The following CNTN4 variants were observed in gnomAD, a reference collection of about 807,000 sequenced individuals.
The protein encoded by CNTN4 is contactin 4.
CNTN4 carries 77 observed loss-of-function variants against 122.5 expected under a neutral mutation model. The observed-to-expected ratio is 0.63, with a 90% CI of 0.52 to 0.76. The LOEUF (loss-of-function observed/expected upper bound fraction) is 0.76. Among genes scored for constraint, CNTN4 ranks in the 30% least tolerant of loss-of-function variants. The pLI is 0.00. For missense variants in CNTN4, 1,256 were observed against 1,259.1 expected, an observed-to-expected ratio of 1.00 and a Z score of 0.04; for synonymous variants, 512 against 447.0, an observed-to-expected ratio of 1.15 and a Z score of -1.83.
At chr3:2,610,246 A>G (rs1026697871) in intron 4 of CNTN4, among the ~76,000 whole-genome samples, 5 of 152,200 alleles carry the variant, frequency 3.3e-5, no homozygotes, top group African/African-American at 1.2e-4. Flanking sequence ...TGAAATTATT[A>G]TAATCTCCTC....
chr3:2,285,911 G>A (rs1486521355), intron 2 of CNTN4, among the ~76,000 whole-genome samples: 1 of 151,978 alleles, frequency 6.6e-6, no homozygotes, highest in East Asian at 1.9e-4. Context: ...ATTTGTAGAT[G>A]TATGTACTTA....
chr3:2,340,999 G>C (rs920832687), intron 3 of CNTN4, among the ~76,000 whole-genome samples: 1 of 151,932 alleles, frequency 6.6e-6, no homozygotes, highest in Non-Finnish European at 1.5e-5. Flanking sequence ...TGCTCCACAA[G>C]GTCCCTCTCC....
intron 4 of CNTN4, among the ~76,000 whole-genome samples, chr3:2,668,306 A>T (rs1047378660): frequency 6.6e-6 from 1 of 152,148 alleles, no homozygotes; most frequent in Non-Finnish European, 1.5e-5. Context: ...GAGGTCCTTC[A>T]CATCCTTTGT....
chr3:2,141,824 C>T (rs890040438), intron 2 of CNTN4, among the ~76,000 whole-genome samples: 2 of 152,028 alleles, frequency 1.3e-5, no homozygotes, highest in East Asian at 1.9e-4. Flanking sequence ...TTTTAATTGG[C>T]GTTCTTATGA....
chr3:2,616,538 C>T (rs2081747936), intron 4 of CNTN4, among the ~76,000 whole-genome samples: 1 of 152,092 alleles, frequency 6.6e-6, no homozygotes, highest in Non-Finnish European at 1.5e-5. Context: ...GTTCTAGATC[C>T]TTGAGGAATC....
intron 4 of CNTN4, among the ~76,000 whole-genome samples, chr3:2,578,094 C>G (rs9822788): frequency 6.6e-6 from 1 of 151,848 alleles, no homozygotes; most frequent in African/African-American, 2.4e-5. Flanking sequence ...CAAGGAAGAC[C>G]CCTGGATTGA....
chr3:2,934,086 T>C (rs2094547839), intron 13 of CNTN4, among the ~76,000 whole-genome samples: 1 of 152,118 alleles, frequency 6.6e-6, no homozygotes, highest in South Asian at 2.1e-4. Context: ...AAAAAAATAA[T>C]GGTGCAAGCA....
At position 2,617,936 on chromosome 3, in the gene CNTN4, A is replaced by G. The variant is rs181592812; in HGVS notation, c.55+46378A>G. 2.6e-5 allele frequency among the ~76,000 whole-genome samples: 4 copies of G among 152,338 alleles called. 1 individual carries two copies. Among genetic ancestry groups the G allele is most frequent in the Admixed American group, 2.6e-4 (4 of 15,302 alleles). On this transcript the variant is annotated intron_variant, in intron 4 of 24. Coordinates refer to ENST00000418658, the MANE Select transcript of CNTN4 (RefSeq NM_175607.3). ...ATATTTGTCATATTGAGCACATTAC[A>G]ACAATTATTTCAAATTTCCAAGAGA...
At chr3:2,445,277 A>G (rs2653496) in intron 3 of CNTN4, among the ~76,000 whole-genome samples, 39,035 of 152,106 alleles carry the variant, frequency 0.26, 5,973 homozygotes, top group Admixed American at 0.37. Context: ...GGCCTTGGTA[A>G]CAGCCTTCCT....
chr3:2,722,970 C>G (rs539761458), intron 4 of CNTN4, among the ~76,000 whole-genome samples: 82 of 152,234 alleles, frequency 5.4e-4, no homozygotes, highest in African/African-American at 1.7e-3. Flanking sequence ...TCACATTTAT[C>G]CATTCTGCTG....
At chr3:2,165,278 G>A (rs2320376) in intron 2 of CNTN4, among the ~76,000 whole-genome samples, 52,523 of 151,114 alleles carry the variant, frequency 0.35, 9,278 homozygotes, top group African/African-American at 0.41. Context: ...AGCTGAGATC[G>A]CGCCATTGCA....
chr3:2,463,613 G>T (rs2075396227), intron 3 of CNTN4, among the ~76,000 whole-genome samples: 1 of 152,096 alleles, frequency 6.6e-6, no homozygotes. Context: ...ACAAAAATCA[G>T]CTGGGTGTGG....
intron 2 of CNTN4, among the ~76,000 whole-genome samples, chr3:2,263,495 A>T (rs956789956): frequency 1.3e-5 from 2 of 152,116 alleles, no homozygotes; most frequent in Admixed American, 1.3e-4. Context: ...TAAAAATCTT[A>T]AATTGATATA....
At chr3:2,883,919 A>G (rs1172605483) in intron 9 of CNTN4, among the ~76,000 whole-genome samples, 1 of 152,210 alleles carries the variant, frequency 6.6e-6, no homozygotes, top group Non-Finnish European at 1.5e-5. Flanking sequence ...TTTGCCAGTA[A>G]CCAGCAATAA....
intron 14 of CNTN4, among the ~76,000 whole-genome samples, chr3:3,015,549 G>A (rs549781329): frequency 2.0e-4 from 30 of 152,244 alleles, no homozygotes; most frequent in South Asian, 1.7e-3. Context: ...TAGAATATGC[G>A]AATTATTGCT....
chr3:2,564,910 G>A (rs1484785435), intron 3 of CNTN4, among the ~76,000 whole-genome samples: 1 of 152,122 alleles, frequency 6.6e-6, no homozygotes, highest in Non-Finnish European at 1.5e-5. Context: ...ACATCCTTCA[G>A]TAAGTGAAAT....
At chr3:2,322,477 G>T (rs953107606) in intron 2 of CNTN4, among the ~76,000 whole-genome samples, 1 of 152,038 alleles carries the variant, frequency 6.6e-6, no homozygotes, top group African/African-American at 2.4e-5. Context: ...CACATGTAAG[G>T]CACCCAGAGT....
chr3:3,040,276 C>T lies in CNTN4; in HGVS notation c.2398+5C>T, dbSNP rs754421398. 48 of 1,575,468 alleles carry T rather than the reference C, an allele frequency of 3.0e-5. No homozygotes were observed. In the East Asian group the frequency reaches 5.6e-4, roughly 18 times the overall value. ...TGGTGTATTCTGCAGAAGAAGGTAT[C>T]GTTTATGCTGCCTAGATCATTGACT... On this transcript the variant is annotated splice_donor_5th_base_variant and intron_variant, in intron 20 of 24. Transcript: ENST00000418658.
intron 6 of CNTN4, among the ~76,000 whole-genome samples, chr3:2,778,819 C>G (rs1233218613): frequency 1.3e-5 from 2 of 152,050 alleles, no homozygotes; most frequent in Admixed American, 1.3e-4. Context: ...CAAGCAGATC[C>G]AAAATAATTT....
Sources: allele counts gnomAD v4.1 joint callset (sites outside exome capture counted in the v4.1 genomes callset), GRCh38; gene constraint gnomAD v4.1.1; transcripts MANE v1.5; gene names NCBI Gene and HGNC (gene_info 2026-07-23, HGNC 2026-07-21).